PTGES3: variants seen among roughly 807,000 people sequenced by gnomAD.
PTGES3 encodes the protein Hsp90 co-chaperone.
In PTGES3, 5 loss-of-function variants were observed where a neutral mutation model predicts 29.9. The ratio of observed to expected loss-of-function variants is 0.17; its 90% CI spans 0.09 to 0.35. PTGES3 has a LOEUF of 0.35. Among genes scored for constraint, PTGES3 ranks in the 10% least tolerant of loss-of-function variants. The probability of loss-of-function intolerance (pLI) is 1.00; values close to 1 mark genes in which losing one functional copy is unlikely to be tolerated. For missense variants in PTGES3, 128 were observed against 190.0 expected (o/e 0.67, Z 1.92); for synonymous variants, 49 against 57.8 (o/e 0.85, Z 0.69).
At chr12:56,681,829 C>G (rs1472992221) in intron 1 of PTGES3, among the ~76,000 whole-genome samples, 1 of 152,008 alleles carries the variant, frequency 6.6e-6, no homozygotes, top group South Asian at 2.1e-4. Flanking sequence ...TGCACTCCAG[C>G]CTGGGCGACA....
intron 1 of PTGES3, among the ~76,000 whole-genome samples, chr12:56,680,383 TTTC>T (rs1004602217): frequency 1.0e-4 from 15 of 149,070 alleles, no homozygotes; most frequent in African/African-American, 3.7e-4. Flanking sequence ...CCCAATTTTC[TTTC>T]TTTTTTTTTT....
intron 1 of PTGES3, among the ~76,000 whole-genome samples, chr12:56,674,486 T>C (rs1443113016): frequency 6.6e-6 from 1 of 151,550 alleles, no homozygotes; most frequent in Non-Finnish European, 1.5e-5. Flanking sequence ...AGGTCGAGAA[T>C]TCGAGACCAG....
At chr12:56,665,635 TAA>T in intron 6 of PTGES3, 3 of 985,250 alleles carry the variant, frequency 3.0e-6, no homozygotes, top group Non-Finnish European at 3.6e-6. Context: ...ATCATACCTA[TAA>T]ACTGACTCTC....
chr12:56,671,248 A>T (rs1050230625), intron 4 of PTGES3, among the ~76,000 whole-genome samples: 1 of 152,096 alleles, frequency 6.6e-6, no homozygotes, highest in African/African-American at 2.4e-5. Flanking sequence ...AAATACAAAA[A>T]TTAGCCAGGT....
intron 1 of PTGES3, among the ~76,000 whole-genome samples, chr12:56,676,373 C>G (rs1437510379): frequency 6.6e-6 from 1 of 152,118 alleles, no homozygotes; most frequent in African/African-American, 2.4e-5. Flanking sequence ...CTCTGTACTT[C>G]CAGTTTGTTT....
chr12:56,687,771 A>G (rs1952951936), intron 1 of PTGES3: 15 of 1,380,904 alleles, frequency 1.1e-5, no homozygotes, highest in Non-Finnish European at 1.4e-5. Context: ...GATTTCCGGC[A>G]TGGGGAAGCC....
chr12:56,676,094 C>T (rs937435607), intron 1 of PTGES3, among the ~76,000 whole-genome samples: 2 of 141,914 alleles, frequency 1.4e-5, no homozygotes, highest in Non-Finnish European at 3.0e-5. Context: ...GGCGAGGTGG[C>T]GTATGCCTGT....
intron 4 of PTGES3, among the ~76,000 whole-genome samples, chr12:56,671,268 T>G (rs891131901): frequency 6.6e-6 from 1 of 152,046 alleles, no homozygotes; most frequent in Non-Finnish European, 1.5e-5. Flanking sequence ...TGTTGTGGCA[T>G]GCCCCTACAG....
At chr12:56,687,632 G>C (rs1362720304) in intron 1 of PTGES3, 9 of 1,158,842 alleles carry the variant, frequency 7.8e-6, no homozygotes, top group Non-Finnish European at 9.6e-6. Context: ...CGCCCAAGCA[G>C]CCGAGAGGCG....
intron 1 of PTGES3, among the ~76,000 whole-genome samples, chr12:56,682,160 T>C (rs536278208): frequency 2.0e-5 from 3 of 152,202 alleles, no homozygotes; most frequent in Middle Eastern, 3.4e-3. Flanking sequence ...ATTGGCACTA[T>C]CAAATGAAGT....
At chr12:56,664,602 CAATG>C in intron 7 of PTGES3, 104 bp from the exon 8 acceptor site, 1 of 1,392,550 alleles carries the variant, frequency 7.2e-7, no homozygotes, top group Middle Eastern at 1.8e-4. Context: ...CATAGTTGCC[CAATG>C]AATTAATAGG....
At position 56,676,920 on chromosome 12, in the gene PTGES3, C is replaced by CAAAAAAAAAAA. The variant is rs34739170; in HGVS notation, c.3-3866_3-3856dup. Reference sequence around the variant, plus strand: ...TGGGTGAGAGAGTGAGATTCCGACTCAAAAAAAAAAAAAAAAAAAAAAAAA... The same window carrying CAAAAAAAAAAA: ...TGGGTGAGAGAGTGAGATTCCGACTCAAAAAAAAAAAAAAAAAAAAAAAAAAAAAAAAAAAA... On this transcript the variant is annotated intron_variant, in intron 1 of 7. Transcript: ENST00000262033. 5.5e-4 allele frequency among the ~76,000 whole-genome samples: 28 copies of CAAAAAAAAAAA among 50,548 alleles called. 2 individuals carry two copies. The highest frequency in any genetic ancestry group is 2.1e-3 in the African/African-American group (26 of 12,230). 33.2% of individuals were successfully genotyped at this position (50,548 alleles called of 152,430 possible). A position where few individuals can be genotyped will look rare whatever the true frequency, so the allele number is the denominator to read the frequency against.
intron 3 of PTGES3, 63 bp downstream of exon 3, chr12:56,672,677 G>C: frequency 7.5e-6 from 11 of 1,472,300 alleles, no homozygotes; most frequent in Non-Finnish European, 8.1e-6. Flanking sequence ...TTGCTAAAAA[G>C]AATACTTGGT....
At chr12:56,665,579 G>C in intron 6 of PTGES3, 1 of 985,294 alleles carries the variant, frequency 1.0e-6, no homozygotes, top group Non-Finnish European at 1.2e-6. Flanking sequence ...ATCGGTCTCT[G>C]ACCAATCCTG....
intron 1 of PTGES3, among the ~76,000 whole-genome samples, chr12:56,685,973 C>T (rs573400897): frequency 9.1e-4 from 138 of 151,812 alleles, no homozygotes; most frequent in Non-Finnish European, 1.4e-3. Flanking sequence ...AACGGGGTTT[C>T]ACCATATTGG....
intron 1 of PTGES3, among the ~76,000 whole-genome samples, chr12:56,686,596 CG>C (rs1363793050): frequency 2.0e-5 from 3 of 151,976 alleles, no homozygotes; most frequent in Non-Finnish European, 4.4e-5. Context: ...AGTCTGGTCT[CG>C]AACTCCCGAC....
chr12:56,686,763 C>A (rs1212528662), intron 1 of PTGES3: 1 of 397,574 alleles, frequency 2.5e-6, no homozygotes, highest in East Asian at 3.6e-5. Flanking sequence ...GCTCTAGAAG[C>A]TTGTTCCCAG....
intron 6 of PTGES3, chr12:56,665,491 C>T (rs1472418508): frequency 2.7e-5 from 26 of 963,232 alleles, no homozygotes; most frequent in East Asian, 2.3e-4. Context: ...GATGGGGTTT[C>T]GCCATCTTGG....
At chr12:56,676,407 C>A (rs534625397) in intron 1 of PTGES3, among the ~76,000 whole-genome samples, 1 of 152,190 alleles carries the variant, frequency 6.6e-6, no homozygotes, top group Admixed American at 6.5e-5. Context: ...AAACTAGCTT[C>A]TGCATACTTG....
Sources: allele counts gnomAD v4.1 joint callset (sites outside exome capture counted in the v4.1 genomes callset), GRCh38; gene constraint gnomAD v4.1.1; transcripts MANE v1.5; gene names NCBI Gene and HGNC (gene_info 2026-07-23, HGNC 2026-07-21).